The following ARMC2 variants were observed in gnomAD, a reference collection of about 807,000 sequenced individuals.
The protein encoded by ARMC2 is armadillo repeat containing 2.
ARMC2 carries 67 observed loss-of-function variants against 90.3 expected under a neutral mutation model. The ratio of observed to expected loss-of-function variants is 0.74; its 90% CI spans 0.61 to 0.91. The LOEUF is 0.91. Among genes scored for constraint, ARMC2 ranks in the 40% least tolerant of loss-of-function variants. The pLI, the probability that ARMC2 is intolerant of heterozygous loss-of-function variation, is 0.00. For synonymous variants in ARMC2, 393 were observed against 393.0 expected (o/e 1.00, Z 0.00); for missense variants, 920 against 1,030.9 (o/e 0.89, Z 1.47).
the ARMC2 span, among the ~76,000 whole-genome samples, chr6:108,987,839 C>G: frequency 7.3e-6 from 1 of 136,158 alleles, no homozygotes; most frequent in Non-Finnish European, 1.5e-5. Context: ...CACTTTCACT[C>G]TTTCCCAGGC....
the ARMC2 span, among the ~76,000 whole-genome samples, chr6:108,995,333 T>C: frequency 6.6e-5 from 10 of 152,318 alleles, no homozygotes; most frequent in East Asian, 1.9e-3. Flanking sequence ...ATATTGTCAA[T>C]GTGTCTATCA....
chr6:108,865,940 C>T (rs1196304781), intron 3 of ARMC2, among the ~76,000 whole-genome samples: 2 of 149,992 alleles, frequency 1.3e-5, no homozygotes, highest in Non-Finnish European at 2.9e-5. Context: ...TTGCATGAGA[C>T]CAGGAAGTCA....
chr6:109,012,330 A>AC, the ARMC2 span, among the ~76,000 whole-genome samples: 8 of 151,540 alleles, frequency 5.3e-5, no homozygotes, highest in African/African-American at 1.9e-4. Context: ...AAGAATCCTG[A>AC]CATTTAATCC....
the ARMC2 span, among the ~76,000 whole-genome samples, chr6:108,981,447 G>A: frequency 6.6e-6 from 1 of 152,000 alleles, no homozygotes; most frequent in Non-Finnish European, 1.5e-5. Flanking sequence ...GTAAACTGAC[G>A]CTATACGCAC....
At chr6:108,899,847 CCTGT>C in intron 7 of ARMC2, 55 bp downstream of exon 7, 1 of 1,345,574 alleles carries the variant, frequency 7.4e-7, no homozygotes, top group Non-Finnish European at 1.0e-6. Context: ...TTAAAAAATA[CCTGT>C]AGTTATTTAT....
At chr6:108,998,086 T>G in the ARMC2 span, among the ~76,000 whole-genome samples, 2 of 152,180 alleles carry the variant, frequency 1.3e-5, no homozygotes, top group Non-Finnish European at 1.5e-5. Flanking sequence ...TCTTCTGAAA[T>G]ATAAAAAATT....
At chr6:108,979,492 G>A in the ARMC2 span, among the ~76,000 whole-genome samples, 2 of 152,100 alleles carry the variant, frequency 1.3e-5, no homozygotes, top group Non-Finnish European at 2.9e-5. Flanking sequence ...TTTTCGAGGA[G>A]TATCTTTGTG....
chr6:108,900,318 G>A (rs1054521493), intron 7 of ARMC2, among the ~76,000 whole-genome samples: 1 of 152,186 alleles, frequency 6.6e-6, no homozygotes, highest in East Asian at 1.9e-4. Context: ...GCTCTGAACT[G>A]CCCCAGAAGT....
At chr6:108,997,947 A>G in the ARMC2 span, among the ~76,000 whole-genome samples, 1 of 152,226 alleles carries the variant, frequency 6.6e-6, no homozygotes, top group African/African-American at 2.4e-5. Flanking sequence ...AAAGCCAGGA[A>G]CAGAAGGAAT....
At chr6:109,016,290 T>C in the ARMC2 span, among the ~76,000 whole-genome samples, 1 of 152,332 alleles carries the variant, frequency 6.6e-6, no homozygotes, top group East Asian at 1.9e-4. Flanking sequence ...CTGCCTTCCC[T>C]ATCCATGCCT....
chr6:109,044,311 C>CAAAAAAAAAAAAAAAAAAAAA, the ARMC2 span, among the ~76,000 whole-genome samples: 2 of 28,460 alleles, frequency 7.0e-5, no homozygotes, highest in Non-Finnish European at 1.1e-4. Context: ...GAACTTGCCT[C>CAAAAAAAAAAAAAAAAAAAAA]AAAAAAAAAA....
intron 5 of ARMC2, among the ~76,000 whole-genome samples, chr6:108,882,075 G>A (rs909846579): frequency 1.3e-5 from 2 of 151,894 alleles, no homozygotes; most frequent in African/African-American, 4.8e-5. Flanking sequence ...CAAAAACATG[G>A]AAAGAGTTCA....
chr6:108,905,041 C>T (rs1484909158), intron 8 of ARMC2, among the ~76,000 whole-genome samples: 1 of 152,150 alleles, frequency 6.6e-6, no homozygotes, highest in African/African-American at 2.4e-5. Flanking sequence ...ACTTTGTTGT[C>T]ACAGCCATAA....
chr6:109,011,478 T>G, the ARMC2 span, among the ~76,000 whole-genome samples: 1 of 152,172 alleles, frequency 6.6e-6, no homozygotes, highest in Non-Finnish European at 1.5e-5. Flanking sequence ...CTATAAAGAC[T>G]GACCTAAATT....
At chr6:108,888,660 C>T (rs999930830) in intron 5 of ARMC2, among the ~76,000 whole-genome samples, 19 of 152,322 alleles carry the variant, frequency 1.2e-4, no homozygotes, top group Admixed American at 1.2e-3. Context: ...CTCTCTTCCC[C>T]ATTCAGTCTT....
the ARMC2 span, among the ~76,000 whole-genome samples, chr6:109,024,675 C>T: frequency 1.3e-5 from 2 of 152,118 alleles, no homozygotes; most frequent in African/African-American, 2.4e-5. Flanking sequence ...CATAAATGTG[C>T]TCAGAATGCT....
chr6:108,913,164 G>T (rs1773609867), intron 10 of ARMC2, among the ~76,000 whole-genome samples: 1 of 152,194 alleles, frequency 6.6e-6, no homozygotes, highest in African/African-American at 2.4e-5. Context: ...CACTGGAGCT[G>T]CTCTGGCTTG....
chr6:108,944,334 C>T (rs1488221675), intron 12 of ARMC2, among the ~76,000 whole-genome samples: 1 of 152,230 alleles, frequency 6.6e-6, no homozygotes, highest in Non-Finnish European at 1.5e-5. Flanking sequence ...AGCTGGAGAA[C>T]ACAGGATGGT....
chr6:108,911,850 GT>G (rs1158845506), intron 9 of ARMC2, among the ~76,000 whole-genome samples: 1 of 152,110 alleles, frequency 6.6e-6, no homozygotes, highest in Non-Finnish European at 1.5e-5. Flanking sequence ...ATGTTCTTAA[GT>G]TGTCTTGGGA....
Sources: gnomAD v4.1 joint callset for allele counts (sites outside exome capture counted in the v4.1 genomes callset) on GRCh38, gnomAD v4.1.1 for gene constraint, MANE v1.5 for transcripts, NCBI Gene and HGNC (gene_info 2026-07-23, HGNC 2026-07-21) for gene names.